The following ARHGAP28 variants were observed in gnomAD, a reference collection of about 807,000 sequenced individuals.
ARHGAP28 encodes Rho GTPase activating protein 28.
ARHGAP28 carries 56 observed loss-of-function variants against 90.7 expected under a neutral mutation model. That is an observed-to-expected ratio of 0.62 (90% CI 0.50 to 0.77). The LOEUF is 0.77. Ranked by LOEUF, ARHGAP28 falls within the 30% of genes least tolerant of loss-of-function variation. The pLI is 0.00. For missense variants in ARHGAP28, 869 were observed against 900.9 expected (o/e 0.96, Z 0.45); for synonymous variants, 308 against 323.3 (o/e 0.95, Z 0.51).
chr18:6,837,458 C>A, intron 3 of ARHGAP28, 44 bp downstream of exon 3: 1 of 762,704 alleles, frequency 1.3e-6, no homozygotes, highest in Non-Finnish European at 2.2e-6. Flanking sequence ...CCTAGTTTGA[C>A]TGGGGATGGG....
chr18:6,771,238 C>A (rs1017411385), intron 1 of ARHGAP28, among the ~76,000 whole-genome samples: 1 of 151,944 alleles, frequency 6.6e-6, no homozygotes, highest in African/African-American at 2.4e-5. Flanking sequence ...AGTGGGGTAT[C>A]TCACTATGTT....
intron 5 of ARHGAP28, among the ~76,000 whole-genome samples, chr18:6,863,136 G>A (rs1256029877): frequency 6.6e-6 from 1 of 151,892 alleles, no homozygotes; most frequent in African/African-American, 2.4e-5. Flanking sequence ...TCCCTTAGAG[G>A]ACTGACCACA....
At chr18:6,898,521 A>T (rs771446881) in intron 16 of ARHGAP28, 1 of 1,614,180 alleles carries the variant, frequency 6.2e-7, no homozygotes, top group South Asian at 1.1e-5. Context: ...AGAGACCAAC[A>T]GGAGCCCCAA....
At chr18:6,881,944 A>G (rs1191578519) in intron 10 of ARHGAP28, among the ~76,000 whole-genome samples, 193 bp from the exon 11 acceptor site, 1 of 152,230 alleles carries the variant, frequency 6.6e-6, no homozygotes. Flanking sequence ...TAAATATTTT[A>G]GAAAATTGTT....
chr18:6,836,929 G>C (rs1354343880), intron 2 of ARHGAP28, among the ~76,000 whole-genome samples: 2 of 152,008 alleles, frequency 1.3e-5, no homozygotes, highest in African/African-American at 4.8e-5. Context: ...GAAATTAGTA[G>C]GACAGATATG....
At chr18:6,787,111 T>TGG (rs1300702335) in intron 1 of ARHGAP28, among the ~76,000 whole-genome samples, 2 of 150,024 alleles carry the variant, frequency 1.3e-5, no homozygotes, top group African/African-American at 2.5e-5. Context: ...TCCCAGCTAC[T>TGG]GGGAAGGCTG....
chr18:6,894,365 T>G (rs957352022), intron 14 of ARHGAP28, among the ~76,000 whole-genome samples: 2 of 152,206 alleles, frequency 1.3e-5, no homozygotes, highest in East Asian at 3.9e-4. Flanking sequence ...ATGCTCTATC[T>G]GCTTACCAGC....
chr18:6,841,176 CT>C (rs1432014648), intron 3 of ARHGAP28, among the ~76,000 whole-genome samples: 34 of 75,306 alleles, frequency 4.5e-4, no homozygotes, highest in African/African-American at 1.7e-3. Context: ...TCCTCTCTCT[CT>C]CTCCTCTCTC....
chr18:6,780,269 T>C (rs1475164509), intron 1 of ARHGAP28, among the ~76,000 whole-genome samples: 2 of 152,152 alleles, frequency 1.3e-5, no homozygotes, highest in Non-Finnish European at 2.9e-5. Context: ...ATGGGCAGAT[T>C]GAACCAACCT....
At chr18:6,841,180 C>CTCTCTCTCTCCTCTCCTCTCTCTCTCT in intron 3 of ARHGAP28, among the ~76,000 whole-genome samples, 1 of 57,068 alleles carries the variant, frequency 1.8e-5, no homozygotes, top group African/African-American at 1.0e-4. Flanking sequence ...CTCTCTCTCT[C>CTCTCTCTCTCCTCTCCTCTCTCTCTCT]CTCTCTCTCT....
chr18:6,786,854 G>GT (rs1193814487), intron 1 of ARHGAP28, among the ~76,000 whole-genome samples: 6 of 152,106 alleles, frequency 3.9e-5, no homozygotes, highest in East Asian at 1.9e-4. Flanking sequence ...TACCAGCAAA[G>GT]TTTTTTATTT....
chr18:6,910,700 T>G (rs1485800053), intron 17 of ARHGAP28, among the ~76,000 whole-genome samples: 1 of 152,174 alleles, frequency 6.6e-6, no homozygotes, highest in African/African-American at 2.4e-5. Context: ...TGTTTGTTAG[T>G]TGCCTTGTGC....
chr18:6,893,824 GA>G (rs1267925383), intron 14 of ARHGAP28, among the ~76,000 whole-genome samples: 1 of 149,654 alleles, frequency 6.7e-6, no homozygotes, highest in Admixed American at 6.7e-5. Flanking sequence ...TAAAGACAAA[GA>G]AATAGTTTTT....
intron 3 of ARHGAP28, among the ~76,000 whole-genome samples, chr18:6,838,156 C>T (rs758757616): frequency 9.9e-5 from 15 of 152,274 alleles, no homozygotes; most frequent in Admixed American, 2.0e-4. Flanking sequence ...TGCGCAAGAT[C>T]CTAGGTTAGG....
chr18:6,736,303 CTT>C (rs945797622), intron 1 of ARHGAP28, among the ~76,000 whole-genome samples: 2 of 143,406 alleles, frequency 1.4e-5, no homozygotes, highest in African/African-American at 5.1e-5. Flanking sequence ...TTAATCTACT[CTT>C]TTTTTTTTTC....
intron 1 of ARHGAP28, among the ~76,000 whole-genome samples, chr18:6,765,377 C>T (rs1236296657): frequency 6.6e-6 from 1 of 152,080 alleles, no homozygotes; most frequent in Non-Finnish European, 1.5e-5. Context: ...TCTTTCAAGG[C>T]ATTTGTCCAT....
chr18:6,861,944 T>G lies in ARHGAP28; in HGVS notation c.726+2047T>G, dbSNP rs142850052. On this transcript the variant is annotated intron_variant, in intron 5 of 17. Coordinates refer to ENST00000383472, the MANE Select transcript of ARHGAP28 (RefSeq NM_001366230.1). ...GGTAAGTTAATCACCCAGATTTTAT[T>G]TTTATTTTCATTTTGTTTTTTTCTG... 9.2e-3 allele frequency among the ~76,000 whole-genome samples: 1,395 copies of G among 152,240 alleles called. 28 individuals carry two copies. The highest frequency in any genetic ancestry group is 0.032 in the African/African-American group (1,328 of 41,496).
chr18:6,810,635 T>C (rs932891898), intron 1 of ARHGAP28, among the ~76,000 whole-genome samples: 2 of 151,996 alleles, frequency 1.3e-5, no homozygotes. Flanking sequence ...AGGGAGTAGT[T>C]AAGGATGGGG....
intron 1 of ARHGAP28, among the ~76,000 whole-genome samples, chr18:6,734,589 A>G (rs1346072228): frequency 6.6e-6 from 1 of 152,216 alleles, no homozygotes; most frequent in Non-Finnish European, 1.5e-5. Flanking sequence ...GGATGATTAG[A>G]AAGTAAATAT....
Sources: allele counts gnomAD v4.1 joint callset (sites outside exome capture counted in the v4.1 genomes callset), GRCh38; gene constraint gnomAD v4.1.1; transcripts MANE v1.5; gene names NCBI Gene and HGNC (gene_info 2026-07-23, HGNC 2026-07-21).